Variants in EFCAB6 observed in about 807,000 individuals in gnomAD.
The protein encoded by EFCAB6 is EF-hand calcium-binding domain-containing protein 6.
EFCAB6 carries 156 observed loss-of-function variants against 169.8 expected under a neutral mutation model. The ratio of observed to expected loss-of-function variants is 0.92; its 90% CI spans 0.81 to 1.05. The LOEUF (loss-of-function observed/expected upper bound fraction) is 1.05. EFCAB6 is among the 50% of genes least tolerant of loss of function. EFCAB6 has a pLI of 0.00. For synonymous variants in EFCAB6, 698 were observed against 676.4 expected, an observed-to-expected ratio of 1.03 and a Z score of -0.50; for missense variants, 1,800 against 1,829.1, an observed-to-expected ratio of 0.98 and a Z score of 0.29.
intron 27 of EFCAB6, among the ~76,000 whole-genome samples, chr22:43,545,088 A>G (rs956041026): frequency 6.6e-6 from 1 of 152,186 alleles, no homozygotes; most frequent in Non-Finnish European, 1.5e-5. Flanking sequence ...TGGAGCTTGC[A>G]GTGAGCCGAG....
chr22:43,765,276 A>G (rs372793666), intron 5 of EFCAB6, 29 bp downstream of exon 5: 250 of 1,566,062 alleles, frequency 1.6e-4, no homozygotes, highest in Middle Eastern at 1.2e-3. Flanking sequence ...CAAATTTCAC[A>G]TTTTCACATG....
rs903485991 is a variant in EFCAB6, at chr22:43,609,820, G to A, written c.2563-1220C>T. ...TTAAGATGTATCACTAAGTTATCAC[G>A]ACAACAAAGATGTGATGTAGGTGCC... On this transcript the variant is annotated intron_variant, in intron 21 of 31. Transcript: ENST00000262726. Among the ~76,000 whole-genome samples, 22 of 152,180 alleles carry A rather than the reference G, an allele frequency of 1.4e-4. 1 individual carries two copies. Among genetic ancestry groups the A allele is most frequent in the Admixed American group, 1.1e-3 (17 of 15,274 alleles).
At chr22:43,774,830 G>C (rs1304554312) in intron 3 of EFCAB6, among the ~76,000 whole-genome samples, 1 of 151,824 alleles carries the variant, frequency 6.6e-6, no homozygotes, top group Non-Finnish European at 1.5e-5. Flanking sequence ...TCGGCCAAGA[G>C]ATGACGGGAA....
intron 21 of EFCAB6, among the ~76,000 whole-genome samples, chr22:43,611,487 A>G (rs2053296296): frequency 1.3e-5 from 2 of 152,212 alleles, no homozygotes; most frequent in Non-Finnish European, 2.9e-5. Flanking sequence ...TCGTAGAGCT[A>G]GAAAAAGCTG....
Position 43,626,636 on chromosome 22 carries a change from C to A in EFCAB6, c.2276G>T (p.Gly759Val). 6.2e-7 allele frequency: 1 copy of A among 1,614,162 alleles called. No homozygotes were observed. Among genetic ancestry groups the A allele is most frequent in the Non-Finnish European group, 8.5e-7 (1 of 1,180,036 alleles). ...AFFKTDADRD[G>V]IINMHDLHRL... ...GTGAAGGTCATGCATGTTGATTATG[C>A]CATCCCTGTCAGCATCTGTTTTAAA... The change falls in exon 20 of 32, where the codon GGC becomes GTC. Residue 759 changes from glycine (G) to valine (V), a missense_variant. Physicochemically the swap from Gly to Val is moderately radical, Grantham distance 109. Coordinates refer to ENST00000262726, the MANE Select transcript of EFCAB6 (RefSeq NM_022785.4).
At chr22:43,570,770 G>A (rs2049808220) in intron 26 of EFCAB6, among the ~76,000 whole-genome samples, 1 of 152,176 alleles carries the variant, frequency 6.6e-6, no homozygotes, top group Admixed American at 6.5e-5. Flanking sequence ...CCTTGCTCCG[G>A]TCTGAAAAGA....
chr22:43,626,249 GT>G (rs2054511027), intron 20 of EFCAB6, among the ~76,000 whole-genome samples, 197 bp downstream of exon 20: 1 of 152,164 alleles, frequency 6.6e-6, no homozygotes. Flanking sequence ...ATGCTCACAG[GT>G]GGTAAGACCA....
chr22:43,564,781 T>C (rs185862678), intron 26 of EFCAB6, among the ~76,000 whole-genome samples: 10 of 152,376 alleles, frequency 6.6e-5, no homozygotes, highest in Admixed American at 6.5e-4. Context: ...CCTGTCAGTA[T>C]GTCCAGCCTT....
chr22:43,714,217 CAAT>C, intron 9 of EFCAB6, among the ~76,000 whole-genome samples: 1 of 151,842 alleles, frequency 6.6e-6, no homozygotes, highest in South Asian at 2.1e-4. Flanking sequence ...GGAAGAATCT[CAAT>C]GAAGCAGAGG....
At chr22:43,654,168 T>A (rs575417010) in intron 17 of EFCAB6, among the ~76,000 whole-genome samples, 9 of 152,232 alleles carry the variant, frequency 5.9e-5, no homozygotes, top group African/African-American at 2.2e-4. Context: ...CATTCTAATA[T>A]GAATAAATGG....
At chr22:43,550,410 G>T (rs1663674250) in intron 27 of EFCAB6, among the ~76,000 whole-genome samples, 1 of 152,160 alleles carries the variant, frequency 6.6e-6, no homozygotes, top group African/African-American at 2.4e-5. Flanking sequence ...GGTGGCTCAT[G>T]CCTGTCATCC....
intron 12 of EFCAB6, among the ~76,000 whole-genome samples, chr22:43,679,762 A>G (rs1490109405): frequency 6.6e-6 from 1 of 152,116 alleles, no homozygotes; most frequent in Non-Finnish European, 1.5e-5. Flanking sequence ...TTCATAAAAG[A>G]TTGTATTGGC....
chr22:43,787,949 T>C (rs979087019), intron 2 of EFCAB6, among the ~76,000 whole-genome samples: 1 of 152,202 alleles, frequency 6.6e-6, no homozygotes, highest in African/African-American at 2.4e-5. Context: ...AATAAACTTT[T>C]ACATTTATCA....
chr22:43,744,668 A>G lies in EFCAB6; in HGVS notation c.508-8675T>C, dbSNP rs1238371538. ...GGCTAAGTCAGGGCTGATCTTCCTC[A>G]ACAGGAAACCATGAAGTTCAGAGGC... On this transcript the variant is annotated intron_variant, in intron 6 of 31. Transcript: ENST00000262726. The surrounding 1 kb of genome is among the most constrained non-coding windows in gnomAD (Gnocchi z 4.3). 6.6e-6 allele frequency among the ~76,000 whole-genome samples: 1 copy of G among 152,086 alleles called. No individual in the cohort carries two copies. The highest frequency in any genetic ancestry group is 1.5e-5 in the Non-Finnish European group (1 of 68,012).
At chr22:43,539,343 A>G (rs1419223499) in intron 28 of EFCAB6, among the ~76,000 whole-genome samples, 1 of 152,186 alleles carries the variant, frequency 6.6e-6, no homozygotes, top group Non-Finnish European at 1.5e-5. Context: ...TTTCTTGCCT[A>G]TTACCCCTAA....
chr22:43,621,399 G>A (rs1195244192), intron 20 of EFCAB6, among the ~76,000 whole-genome samples: 4 of 151,944 alleles, frequency 2.6e-5, no homozygotes, highest in Non-Finnish European at 5.9e-5. Context: ...ACTGTACCTG[G>A]CCTGAACATG....
At chr22:43,753,197 T>C (rs2060833401) in intron 6 of EFCAB6, among the ~76,000 whole-genome samples, 1 of 152,116 alleles carries the variant, frequency 6.6e-6, no homozygotes, top group Non-Finnish European at 1.5e-5. Context: ...TAGGACATTA[T>C]GGAGACAAAG....
intron 17 of EFCAB6, among the ~76,000 whole-genome samples, chr22:43,648,537 A>T (rs2056301516): frequency 6.6e-6 from 1 of 152,194 alleles, no homozygotes; most frequent in Non-Finnish European, 1.5e-5. Context: ...TGAGAATAAC[A>T]GATACTGGGG....
intron 2 of EFCAB6, among the ~76,000 whole-genome samples, chr22:43,804,819 A>G (rs1043549060): frequency 1.3e-5 from 2 of 152,118 alleles, no homozygotes; most frequent in South Asian, 4.1e-4. Context: ...GAAAAAATAC[A>G]GAGAATCAAT....
Sources: gnomAD v4.1 joint callset for allele counts (sites outside exome capture counted in the v4.1 genomes callset) on GRCh38, gnomAD v4.1.1 for gene constraint, Gnocchi (gnomAD v3.1) non-coding constraint, MANE v1.5 for transcripts, NCBI Gene and HGNC (gene_info 2026-07-23, HGNC 2026-07-21) for gene names.